UBE2E2: variants seen among roughly 807,000 people sequenced by gnomAD.
The protein encoded by UBE2E2 is ubiquitin-conjugating enzyme E2 E2.
A neutral mutation model predicts 24.7 loss-of-function variants in UBE2E2; 6 were observed. The observed-to-expected ratio is 0.24, with a 90% CI of 0.13 to 0.48. The LOEUF is 0.48. Among genes scored for constraint, UBE2E2 ranks in the 20% least tolerant of loss-of-function variants. UBE2E2 has a pLI of 0.99. For synonymous variants in UBE2E2, 104 were observed against 83.6 expected (o/e 1.24, Z -1.33); for missense variants, 169 against 245.0 (o/e 0.69, Z 2.07).
intron 3 of UBE2E2, among the ~76,000 whole-genome samples, chr3:23,219,245 C>G (rs1696560581): frequency 6.6e-6 from 1 of 152,120 alleles, no homozygotes; most frequent in Non-Finnish European, 1.5e-5. Flanking sequence ...ATGGCACTCC[C>G]TTTGGCAAGC....
At chr3:23,581,733 T>C (rs537904035) in intron 5 of UBE2E2, among the ~76,000 whole-genome samples, 4 of 152,342 alleles carry the variant, frequency 2.6e-5, no homozygotes, top group African/African-American at 4.8e-5. Flanking sequence ...TGTTTTCTTA[T>C]GAAAGGGGAA....
At chr3:23,350,295 G>A (rs1055138132) in intron 3 of UBE2E2, among the ~76,000 whole-genome samples, 4 of 152,306 alleles carry the variant, frequency 2.6e-5, no homozygotes, top group East Asian at 1.9e-4. Context: ...AGAAAACAGA[G>A]CAGAAAAACT....
At chr3:23,257,045 C>A (rs1397548499) in intron 3 of UBE2E2, among the ~76,000 whole-genome samples, 1 of 152,232 alleles carries the variant, frequency 6.6e-6, no homozygotes, top group Non-Finnish European at 1.5e-5. Flanking sequence ...TTTGCTACTT[C>A]AGGTCTTGAG....
chr3:23,447,042 C>T (rs1698450525), intron 3 of UBE2E2, among the ~76,000 whole-genome samples: 1 of 152,164 alleles, frequency 6.6e-6, no homozygotes, highest in Admixed American at 6.5e-5. Flanking sequence ...TCCCTGCTTT[C>T]CTTAGGTATT....
chr3:23,459,471 A>C (rs934403180), intron 3 of UBE2E2, among the ~76,000 whole-genome samples: 1 of 152,252 alleles, frequency 6.6e-6, no homozygotes, highest in Non-Finnish European at 1.5e-5. Flanking sequence ...ACTTGTAATC[A>C]TGAGAAAATA....
At chr3:23,499,854 G>A in intron 4 of UBE2E2, 114 bp downstream of exon 4, 3 of 1,272,030 alleles carry the variant, frequency 2.4e-6, no homozygotes, top group Non-Finnish European at 3.1e-6. Flanking sequence ...GTCACAGACA[G>A]CTTCCCAGGA....
chr3:23,279,082 C>G (rs1382336100), intron 3 of UBE2E2, among the ~76,000 whole-genome samples: 1 of 152,044 alleles, frequency 6.6e-6, no homozygotes, highest in Non-Finnish European at 1.5e-5. Context: ...GTAGAATAAT[C>G]TTACCATGTA....
chr3:23,304,294 A>T (rs1233827105), intron 3 of UBE2E2, among the ~76,000 whole-genome samples: 4 of 152,152 alleles, frequency 2.6e-5, no homozygotes, highest in Admixed American at 1.3e-4. Context: ...GATGTCAAAA[A>T]CCACTGTTTT....
At chr3:23,444,155 CT>C (rs1698373923) in intron 3 of UBE2E2, among the ~76,000 whole-genome samples, 1 of 148,646 alleles carries the variant, frequency 6.7e-6, no homozygotes, top group East Asian at 1.9e-4. Context: ...CCTTAGTTGC[CT>C]TGCTGTTGTT....
chr3:23,239,264 C>T (rs1344949478), intron 3 of UBE2E2, among the ~76,000 whole-genome samples: 2 of 152,020 alleles, frequency 1.3e-5, no homozygotes, highest in Non-Finnish European at 2.9e-5. Flanking sequence ...TTCAGGCTGC[C>T]CATTTAAAAA....
intron 3 of UBE2E2, among the ~76,000 whole-genome samples, chr3:23,356,191 C>G (rs972558085): frequency 2.6e-5 from 4 of 152,266 alleles, no homozygotes; most frequent in African/African-American, 9.6e-5. Flanking sequence ...AGCGGCAAAT[C>G]AGAACCCAGG....
At position 23,487,518 on chromosome 3, in the gene UBE2E2, C is replaced by T. The variant is rs114995618; in HGVS notation, c.228-12090C>T. Among the ~76,000 whole-genome samples the T allele has an allele frequency of 6.7e-3, 1,019 of 152,252 alleles. 3 individuals carry two copies. Among genetic ancestry groups the T allele is most frequent in the South Asian group, 9.7e-3 (47 of 4,824 alleles). ...GCCAGTGTCTCCACAGTGGCCAATCCGGTTGCGCTACTACCGCCATCAATA... is the reference window on the plus strand; with the variant it reads ...GCCAGTGTCTCCACAGTGGCCAATCTGGTTGCGCTACTACCGCCATCAATA... On this transcript the variant is annotated intron_variant, in intron 3 of 5. Transcript: ENST00000396703.
At chr3:23,380,549 C>T (rs1696643524) in intron 3 of UBE2E2, among the ~76,000 whole-genome samples, 1 of 152,182 alleles carries the variant, frequency 6.6e-6, no homozygotes, top group Non-Finnish European at 1.5e-5. Flanking sequence ...AGCAGGCCTC[C>T]CTGCCCTATA....
chr3:23,502,558 A>G (rs755731122), intron 4 of UBE2E2, among the ~76,000 whole-genome samples: 1 of 152,172 alleles, frequency 6.6e-6, no homozygotes, highest in Non-Finnish European at 1.5e-5. Flanking sequence ...TTCTTGTTGC[A>G]GGAACTTTTT....
At chr3:23,338,266 T>G (rs1240011213) in intron 3 of UBE2E2, among the ~76,000 whole-genome samples, 1 of 152,156 alleles carries the variant, frequency 6.6e-6, no homozygotes, top group Non-Finnish European at 1.5e-5. Context: ...CAACTTTATG[T>G]GTAGTTTAAG....
At chr3:23,253,729 C>G (rs962959603) in intron 3 of UBE2E2, among the ~76,000 whole-genome samples, 2 of 151,926 alleles carry the variant, frequency 1.3e-5, no homozygotes, top group African/African-American at 4.8e-5. Flanking sequence ...TAGGATTAGT[C>G]CATTCATTGG....
chr3:23,354,844 A>T (rs1363743830), intron 3 of UBE2E2, among the ~76,000 whole-genome samples: 1 of 152,242 alleles, frequency 6.6e-6, no homozygotes, highest in South Asian at 2.1e-4. Flanking sequence ...ATCTAGAACT[A>T]GACATACCAT....
chr3:23,358,044 T>C (rs2125328484), intron 3 of UBE2E2, among the ~76,000 whole-genome samples: 1 of 152,276 alleles, frequency 6.6e-6, no homozygotes, highest in South Asian at 2.1e-4. Context: ...CCATTTTGCC[T>C]GGGCTGGTCT....
At chr3:23,497,583 A>G (rs977594224) in intron 3 of UBE2E2, among the ~76,000 whole-genome samples, 1 of 152,156 alleles carries the variant, frequency 6.6e-6, no homozygotes, top group Admixed American at 6.6e-5. Flanking sequence ...GGCATCATGT[A>G]TGGTTTGTGG....
Sources: allele counts gnomAD v4.1 joint callset (sites outside exome capture counted in the v4.1 genomes callset), GRCh38; gene constraint gnomAD v4.1.1; transcripts MANE v1.5; gene names NCBI Gene and HGNC (gene_info 2026-07-23, HGNC 2026-07-21).